KAZN: variants seen among roughly 807,000 people sequenced by gnomAD.
KAZN encodes the protein kazrin, periplakin interacting protein.
A neutral mutation model predicts 87.4 loss-of-function variants in KAZN; 40 were observed. The observed-to-expected ratio is 0.46, with a 90% CI of 0.36 to 0.60. The LOEUF is 0.60. Among genes scored for constraint, KAZN ranks in the 20% least tolerant of loss-of-function variants. The probability of loss-of-function intolerance (pLI) is 0.00; values close to 1 mark genes in which losing one functional copy is unlikely to be tolerated. For missense variants in KAZN, 898 were observed against 1,073.9 expected (o/e 0.84, Z 2.29); for synonymous variants, 466 against 458.3 (o/e 1.02, Z -0.22).
At chr1:14,356,499 C>T (rs1036279437) in intron 2 of KAZN, among the ~76,000 whole-genome samples, 6 of 152,074 alleles carry the variant, frequency 3.9e-5, no homozygotes, top group African/African-American at 1.2e-4. Flanking sequence ...AAGTTTTTGC[C>T]CATGCCTAGG....
At chr1:14,713,805 G>GA (rs1642627926) in intron 1 of KAZN, among the ~76,000 whole-genome samples, 1 of 115,158 alleles carries the variant, frequency 8.7e-6, no homozygotes, top group African/African-American at 3.4e-5. Flanking sequence ...AAAAAAGAAA[G>GA]AATAATTAGG....
chr1:14,734,316 T>C lies in KAZN; in HGVS notation c.226+135093T>C, dbSNP rs1164228813. Among the ~76,000 whole-genome samples, 3 of 150,074 alleles carry C rather than the reference T, an allele frequency of 2.0e-5. No individual in the cohort carries two copies. The South Asian group carries it at 6.3e-4, about 32-fold the overall frequency. On this transcript the variant is annotated intron_variant, in intron 1 of 14. Coordinates refer to ENST00000376030, the MANE Select transcript of KAZN (RefSeq NM_201628.3). ...TTTTTCTTTTTTCTTTTCTTTTTTTTTTTTTTTTTTGAGACAGAGTTTTGC... is the reference window on the plus strand; with the variant it reads ...TTTTTCTTTTTTCTTTTCTTTTTTTCTTTTTTTTTTGAGACAGAGTTTTGC...
At chr1:15,110,487 GTGTATGTA>G (rs1424172066) in intron 13 of KAZN, among the ~76,000 whole-genome samples, 2 of 38,426 alleles carry the variant, frequency 5.2e-5, no homozygotes, top group South Asian at 5.1e-3. Context: ...GTATTTGTGT[GTGTATGTA>G]TGTGTGTGTA....
rs560790466 is a variant in KAZN at position 14,011,640 on chromosome 1, G to A, written c.91+117884G>A. On this transcript the variant is annotated intron_variant, in intron 1 of 16. Transcript: ENST00000636203. ...GTAGGGGTTATGAGCTAGGAATGTAGAGCCAGACTGCCTGGGTTTGAATCC... is the reference window on the plus strand; with the variant it reads ...GTAGGGGTTATGAGCTAGGAATGTAAAGCCAGACTGCCTGGGTTTGAATCC... 5.9e-5 allele frequency among the ~76,000 whole-genome samples: 9 copies of A among 152,252 alleles called. No individual in the cohort carries two copies. The South Asian group carries it at 1.9e-3, about 32-fold the overall frequency.
At chr1:14,781,260 T>G (rs145879220) in intron 1 of KAZN, among the ~76,000 whole-genome samples, 3,281 of 152,260 alleles carry the variant, frequency 0.022, 125 homozygotes, top group African/African-American at 0.073. Context: ...AGGCGGAGCT[T>G]GCAGTGAGCC....
intron 1 of KAZN, among the ~76,000 whole-genome samples, chr1:14,808,479 G>C (rs1646298606): frequency 6.8e-6 from 1 of 147,970 alleles, no homozygotes; most frequent in East Asian, 2.0e-4. Flanking sequence ...TTTTTTTTTA[G>C]TAGAGACGGG....
intron 2 of KAZN, among the ~76,000 whole-genome samples, chr1:14,245,818 C>T (rs549282381): frequency 4.6e-5 from 7 of 152,222 alleles, no homozygotes; most frequent in Non-Finnish European, 1.5e-5. Context: ...ACCCAGCAAT[C>T]TCATTGCTGG....
At chr1:14,059,853 A>G (rs948442118) in intron 1 of KAZN, among the ~76,000 whole-genome samples, 4 of 152,126 alleles carry the variant, frequency 2.6e-5, no homozygotes, top group Non-Finnish European at 5.9e-5. Flanking sequence ...ATCTCGTAAC[A>G]CTTTCTAAAT....
intron 1 of KAZN, among the ~76,000 whole-genome samples, chr1:14,954,619 G>A (rs1044879781): frequency 6.6e-6 from 1 of 152,210 alleles, no homozygotes; most frequent in Non-Finnish European, 1.5e-5. Context: ...GTGAAATGTG[G>A]CTAGAGAAAC....
At chr1:14,001,938 T>A (rs552597654) in intron 1 of KAZN, among the ~76,000 whole-genome samples, 2 of 152,190 alleles carry the variant, frequency 1.3e-5, no homozygotes, top group Non-Finnish European at 2.9e-5. Flanking sequence ...GACACAGACA[T>A]GGGCAATGAC....
Position 15,103,467 on chromosome 1 carries a change from G to A in KAZN, c.1881+7G>A. The A allele has an allele frequency of 6.5e-7, 1 of 1,542,250 alleles. No homozygotes were observed. The highest frequency in any genetic ancestry group is 8.8e-7 in the Non-Finnish European group (1 of 1,141,198). On this transcript the variant is annotated splice_region_variant and intron_variant, in intron 12 of 14. Coordinates refer to ENST00000376030, the MANE Select transcript of KAZN (RefSeq NM_201628.3). ...TCGAGACATCGACCTGAAGGTGAGGGTGATAGCGGAGGTCGGGGTGACTCT... is the reference window on the plus strand; with the variant it reads ...TCGAGACATCGACCTGAAGGTGAGGATGATAGCGGAGGTCGGGGTGACTCT...
intron 1 of KAZN, among the ~76,000 whole-genome samples, chr1:13,993,664 T>A (rs1460743884): frequency 6.6e-6 from 1 of 152,214 alleles, no homozygotes; most frequent in African/African-American, 2.4e-5. Context: ...TTCCCTCTTG[T>A]TGGGCTAGGT....
chr1:14,598,036 G>T (rs937606598), upstream of KAZN, among the ~76,000 whole-genome samples: 1 of 152,200 alleles, frequency 6.6e-6, no homozygotes, highest in African/African-American at 2.4e-5. The surrounding 1 kb of genome is among the most constrained non-coding windows in gnomAD (Gnocchi z 4.2). Flanking sequence ...CCAATATTCA[G>T]CCCGGCTAAG....
intron 2 of KAZN, among the ~76,000 whole-genome samples, chr1:14,298,931 C>T (rs954087352): frequency 2.0e-5 from 3 of 152,174 alleles, no homozygotes; most frequent in African/African-American, 4.8e-5. Flanking sequence ...GAAGTGCAGG[C>T]GTGGTAGTCT....
chr1:14,619,410 G>C (rs1453334904), intron 1 of KAZN, among the ~76,000 whole-genome samples: 2 of 151,830 alleles, frequency 1.3e-5, no homozygotes, highest in African/African-American at 4.8e-5. Context: ...ATGGTGTCCA[G>C]GTTGGTCTCT....
intron 2 of KAZN, among the ~76,000 whole-genome samples, chr1:14,967,484 C>T (rs907210157): frequency 6.6e-6 from 1 of 152,146 alleles, no homozygotes; most frequent in Non-Finnish European, 1.5e-5. Context: ...CAAAGATGTC[C>T]CCAGCCTAAT....
chr1:14,940,182 T>C (rs1290092388), intron 1 of KAZN, among the ~76,000 whole-genome samples: 4 of 152,164 alleles, frequency 2.6e-5, no homozygotes, highest in African/African-American at 9.7e-5. Flanking sequence ...GGAAAGTAGC[T>C]GTGGTGGGAG....
chr1:14,999,741 C>A (rs961307700), intron 2 of KAZN, among the ~76,000 whole-genome samples: 1 of 152,252 alleles, frequency 6.6e-6, no homozygotes, highest in African/African-American at 2.4e-5. Context: ...AGGAATGCGC[C>A]TGTGGATGTA....
chr1:15,036,231 T>TCCC (rs1672256103), intron 3 of KAZN, among the ~76,000 whole-genome samples: 1 of 100,986 alleles, frequency 9.9e-6, no homozygotes, highest in African/African-American at 4.4e-5. Context: ...TCTCCCCCCA[T>TCCC]CCCCCTCTGC....
Sources: gnomAD v4.1 joint callset for allele counts (sites outside exome capture counted in the v4.1 genomes callset) on GRCh38, gnomAD v4.1.1 for gene constraint, Gnocchi (gnomAD v3.1) non-coding constraint, MANE v1.5 for transcripts, NCBI Gene and HGNC (gene_info 2026-07-23, HGNC 2026-07-21) for gene names.